The following NETO1 variants were observed in gnomAD, a reference collection of about 807,000 sequenced individuals.
The protein encoded by NETO1 is neuropilin and tolloid like 1.
In NETO1, 26 loss-of-function variants were observed where a neutral mutation model predicts 61.3. The ratio of observed to expected loss-of-function variants is 0.42; its 90% confidence interval spans 0.31 to 0.59. NETO1 has a LOEUF of 0.59. NETO1 is among the 20% of genes least tolerant of loss of function. NETO1 has a pLI of 0.12. For missense variants in NETO1, 531 were observed against 662.8 expected (o/e 0.80, Z 2.18); for synonymous variants, 225 against 225.8 (o/e 1.00, Z 0.03).
At chr18:72,846,600 TC>T (rs1314948044) in intron 4 of NETO1, among the ~76,000 whole-genome samples, 4 of 148,586 alleles carry the variant, frequency 2.7e-5, no homozygotes, top group African/African-American at 9.8e-5. Flanking sequence ...TGAAATAATG[TC>T]AAAGGTAAAA....
rs939527681 is a variant in NETO1, at chr18:72,755,673, C to G, written c.982+361G>C. Among the ~76,000 whole-genome samples, 7 of 152,150 alleles carry G rather than the reference C, an allele frequency of 4.6e-5. No homozygotes were observed. The East Asian group carries it at 1.4e-3, about 30-fold the overall frequency. On this transcript the variant is annotated intron_variant, in intron 8 of 10. Coordinates refer to ENST00000327305, the MANE Select transcript of NETO1 (RefSeq NM_138966.5). Reference sequence around the variant, plus strand: ...CTAGAGTATGTACACAAAGTCCAATCAAGACAAACTGGAATGAATGAGACG... The same window carrying G: ...CTAGAGTATGTACACAAAGTCCAATGAAGACAAACTGGAATGAATGAGACG...
intron 3 of NETO1, among the ~76,000 whole-genome samples, chr18:72,861,030 T>A (rs1375910453): frequency 6.6e-6 from 1 of 152,218 alleles, no homozygotes; most frequent in Admixed American, 6.5e-5. Flanking sequence ...AGACAGTCCT[T>A]AGCTAATTTA....
chr18:72,783,309 T>A (rs2071803865), intron 7 of NETO1, among the ~76,000 whole-genome samples: 1 of 152,182 alleles, frequency 6.6e-6, no homozygotes, highest in African/African-American at 2.4e-5. Flanking sequence ...AAAAAGAACC[T>A]ACCAAATATT....
At chr18:72,848,145 G>T (rs2074144320) in intron 4 of NETO1, among the ~76,000 whole-genome samples, 2 of 152,108 alleles carry the variant, frequency 1.3e-5, no homozygotes, top group African/African-American at 4.8e-5. Flanking sequence ...CTATCATCAA[G>T]TCAACTTGAT....
At position 72,771,498 on chromosome 18, in the gene NETO1, A is replaced by G. The variant is rs79507503; in HGVS notation, c.868+12180T>C. 9.3e-3 allele frequency among the ~76,000 whole-genome samples: 1,420 copies of G among 152,276 alleles called. 18 individuals carry two copies. Among genetic ancestry groups the G allele is most frequent in the African/African-American group, 0.032 (1,339 of 41,546 alleles). On this transcript the variant is annotated intron_variant, in intron 7 of 10. Transcript: ENST00000327305. ...GTGCGGTGCCTTCAGAGAAGCAACCATCATATTCATCTTCGAGCCATCCAT... is the reference window on the plus strand; with the variant it reads ...GTGCGGTGCCTTCAGAGAAGCAACCGTCATATTCATCTTCGAGCCATCCAT...
At chr18:72,827,724 A>G (rs1005768074) in intron 4 of NETO1, among the ~76,000 whole-genome samples, 1 of 151,624 alleles carries the variant, frequency 6.6e-6, no homozygotes, top group East Asian at 1.9e-4. Flanking sequence ...CTCAAAAAAA[A>G]AAAAAAAAAA....
intron 7 of NETO1, among the ~76,000 whole-genome samples, chr18:72,777,594 T>C (rs1336760211): frequency 6.6e-6 from 1 of 150,982 alleles, no homozygotes; most frequent in Non-Finnish European, 1.5e-5. Context: ...ACAAAAAAAA[T>C]TAGCAGGGCG....
rs147007892 is a variant in NETO1, at chr18:72,796,520, C to T, written c.470-2116G>A. On this transcript the variant is annotated intron_variant, in intron 4 of 10. Coordinates refer to ENST00000327305, the MANE Select transcript of NETO1 (RefSeq NM_138966.5). ...TTTTTGAGACGGAGTCTGGCTCTGT[C>T]GCCCAGGCTGGAGCGCAGTGATCTC... 5.2e-3 allele frequency among the ~76,000 whole-genome samples: 792 copies of T among 152,202 alleles called. 4 individuals carry two copies. The highest frequency in any genetic ancestry group is 0.016 in the South Asian group (76 of 4,820).
At chr18:72,807,566 C>A (rs2072714191) in intron 4 of NETO1, among the ~76,000 whole-genome samples, 1 of 152,140 alleles carries the variant, frequency 6.6e-6, no homozygotes, top group Non-Finnish European at 1.5e-5. Context: ...ACAATGTTTA[C>A]TTCTGATAGA....
At chr18:72,797,983 C>T (rs1362677471) in intron 4 of NETO1, among the ~76,000 whole-genome samples, 1 of 152,174 alleles carries the variant, frequency 6.6e-6, no homozygotes, top group African/African-American at 2.4e-5. Context: ...AGCAACGTCC[C>T]TAATTTTACC....
At chr18:72,854,615 A>T (rs1337103703) in intron 4 of NETO1, among the ~76,000 whole-genome samples, 1 of 152,234 alleles carries the variant, frequency 6.6e-6, no homozygotes, top group African/African-American at 2.4e-5. Flanking sequence ...TACATTTTCA[A>T]GTGCAAAGAA....
intron 4 of NETO1, among the ~76,000 whole-genome samples, chr18:72,841,561 C>T (rs2073931530): frequency 6.6e-6 from 1 of 151,554 alleles, no homozygotes; most frequent in South Asian, 2.1e-4. Flanking sequence ...GGTAAAACCC[C>T]CATCTCTACT....
Position 72,844,327 on chromosome 18 carries a change from C to A in NETO1, c.469+14499G>T, listed in dbSNP as rs114352764. Among the ~76,000 whole-genome samples, 852 of 152,260 alleles carry A rather than the reference C, an allele frequency of 5.6e-3. 8 individuals carry two copies. The highest frequency in any genetic ancestry group is 0.02 in the African/African-American group (824 of 41,550). On this transcript the variant is annotated intron_variant, in intron 4 of 10. Transcript: ENST00000327305. ...GCATCATTTTTAATTGTATTTTAAT[C>A]GTCTTATTTTTCTGTTCCTTTGTTC...
At position 72,807,628 on chromosome 18, in the gene NETO1, C is replaced by T. The variant is rs74792792; in HGVS notation, c.470-13224G>A. On this transcript the variant is annotated intron_variant, in intron 4 of 10. Transcript: ENST00000327305. ...ACAGAGAAAATATGCATTTACTAAA[C>T]ATAATCATAGAAAGATGTGGGGGAT... 3.9e-3 allele frequency among the ~76,000 whole-genome samples: 594 copies of T among 151,960 alleles called. 7 individuals carry two copies. Among genetic ancestry groups the T allele is most frequent in the African/African-American group, 0.014 (562 of 41,362 alleles).
At position 72,830,212 on chromosome 18, in the gene NETO1, C is replaced by T. The variant is rs73966679; in HGVS notation, c.469+28614G>A. 1.4e-3 allele frequency among the ~76,000 whole-genome samples: 211 copies of T among 152,194 alleles called. 3 individuals carry two copies. Among genetic ancestry groups the T allele is most frequent in the African/African-American group, 5.0e-3 (209 of 41,520 alleles). ...GGAAGCGGCGGCACAGGGAAGGAAG[C>T]AGCCCTCCCAAGAGACGGGAACAGC... On this transcript the variant is annotated intron_variant, in intron 4 of 10. Coordinates refer to ENST00000327305, the MANE Select transcript of NETO1 (RefSeq NM_138966.5). This position sits in a 1 kb window ranked among gnomAD's most constrained non-coding sequence, Gnocchi z 4.9.
intron 4 of NETO1, among the ~76,000 whole-genome samples, chr18:72,827,716 CA>C (rs535573315): frequency 2.3e-3 from 231 of 100,284 alleles, no homozygotes; most frequent in South Asian, 9.3e-3. Flanking sequence ...GACCCTGTCT[CA>C]AAAAAAAAAA....
intron 7 of NETO1, among the ~76,000 whole-genome samples, chr18:72,778,343 T>C (rs1599155198): frequency 6.6e-6 from 1 of 152,342 alleles, no homozygotes; most frequent in African/African-American, 2.4e-5. Context: ...TGTAAGCATG[T>C]TTTCTCATTC....
At chr18:72,782,902 AT>A (rs1331350708) in intron 7 of NETO1, among the ~76,000 whole-genome samples, 1 of 152,216 alleles carries the variant, frequency 6.6e-6, no homozygotes, top group Non-Finnish European at 1.5e-5. Flanking sequence ...TTCTCTAATA[AT>A]TAATGATGCT....
chr18:72,835,350 A>T (rs1366121091), intron 4 of NETO1: 2 of 1,574,976 alleles, frequency 1.3e-6, no homozygotes, highest in East Asian at 4.5e-5. Flanking sequence ...AAAGAAGTTT[A>T]ATTAGACCAG....
Sources: allele counts gnomAD v4.1 joint callset (sites outside exome capture counted in the v4.1 genomes callset), GRCh38; gene constraint gnomAD v4.1.1; non-coding constraint Gnocchi (gnomAD v3.1); transcripts MANE v1.5; gene names NCBI Gene and HGNC (gene_info 2026-07-23, HGNC 2026-07-21).